Variants in STIM1 observed in about 807,000 individuals in gnomAD.
STIM1 encodes stromal interaction molecule 1.
A neutral mutation model predicts 74.7 loss-of-function variants in STIM1; 25 were observed. The observed-to-expected ratio is 0.33, with a 90% CI of 0.24 to 0.47. STIM1 has a LOEUF of 0.47. STIM1 is among the 20% of genes least tolerant of loss of function. STIM1 has a pLI of 1.00. For synonymous variants in STIM1, 328 were observed against 348.8 expected (o/e 0.94, Z 0.66); for missense variants, 728 against 920.8 (o/e 0.79, Z 2.71).
At position 4,023,899 on chromosome 11, in the gene STIM1, T is replaced by C. The variant is rs755362018; in HGVS notation, c.297T>C (p.His99=). 1 of 1,614,038 alleles carries C rather than the reference T, an allele frequency of 6.2e-7. No homozygotes were observed. The highest frequency in any genetic ancestry group is 8.5e-7 in the Non-Finnish European group (1 of 1,179,958). ...TCCTGAGGGAAGACCTCAATTACCA[T>C]GACCCAACAGTGAAACACAGCACCT... The part of the protein sequence containing the change: ...DEFLREDLNY[H]DPTVKHSTFH... Residue 99 remains histidine, a synonymous_variant, in exon 3 of 13, where the codon CAT becomes CAC. Transcript: ENST00000526596.
At chr11:4,059,436 A>C (rs1174736108) in intron 5 of STIM1, 40 bp downstream of exon 5, 9 of 1,576,832 alleles carry the variant, frequency 5.7e-6, no homozygotes, top group East Asian at 4.5e-5. Context: ...TGTGCCATGG[A>C]AACCAAAGCT....
chr11:4,046,677 T>G (rs938028154), intron 3 of STIM1, among the ~76,000 whole-genome samples: 2 of 151,860 alleles, frequency 1.3e-5, no homozygotes, highest in Non-Finnish European at 2.9e-5. Context: ...TGAGACAGGG[T>G]CTCGTTCTGC....
chr11:4,059,102 G>A (rs2094312084), intron 4 of STIM1, among the ~76,000 whole-genome samples, 179 bp from the exon 5 acceptor site: 1 of 152,138 alleles, frequency 6.6e-6, no homozygotes, highest in South Asian at 2.1e-4. Context: ...CTTGGTAAAT[G>A]TTATGTGTCT....
At chr11:3,971,640 A>G (rs548354644) in intron 2 of STIM1, among the ~76,000 whole-genome samples, 12 of 152,188 alleles carry the variant, frequency 7.9e-5, no homozygotes, top group Non-Finnish European at 1.6e-4. Flanking sequence ...TAAAGTACCC[A>G]CAGTTACTAC....
intron 2 of STIM1, among the ~76,000 whole-genome samples, chr11:4,003,250 C>A: frequency 6.7e-6 from 1 of 149,188 alleles, no homozygotes; most frequent in African/African-American, 2.5e-5. Flanking sequence ...AGGCCAGCAT[C>A]ATCCTGATAC....
chr11:3,916,030 C>T (rs1431333596), intron 1 of STIM1, among the ~76,000 whole-genome samples: 1 of 64 alleles, frequency 0.016, no homozygotes, highest in Non-Finnish European at 0.029. Context: ...TGCACTCCAG[C>T]CTGGGCCCAC....
chr11:4,017,476 A>T (rs2093909447), intron 2 of STIM1, among the ~76,000 whole-genome samples: 1 of 151,756 alleles, frequency 6.6e-6, no homozygotes, highest in African/African-American at 2.4e-5. Flanking sequence ...CTCTCCACTT[A>T]CCTCGGTGAT....
intron 2 of STIM1, among the ~76,000 whole-genome samples, chr11:4,020,763 A>ATT (rs201369502): frequency 1.4e-5 from 2 of 146,326 alleles, no homozygotes; most frequent in African/African-American, 5.0e-5. Context: ...CACCTGGCTA[A>ATT]TTTTTTTTTT....
At chr11:4,069,010 G>A (rs1298242023) in intron 5 of STIM1, among the ~76,000 whole-genome samples, 1 of 152,114 alleles carries the variant, frequency 6.6e-6, no homozygotes, top group Non-Finnish European at 1.5e-5. Context: ...ATTAGCCCTG[G>A]CATAACTCCC....
At chr11:3,948,568 A>G (rs2093107550) in intron 1 of STIM1, among the ~76,000 whole-genome samples, 2 of 152,198 alleles carry the variant, frequency 1.3e-5, no homozygotes, top group South Asian at 2.1e-4. Flanking sequence ...ACAATAACAA[A>G]TTATGATGAC....
chr11:3,969,192 A>G (rs970721189), intron 2 of STIM1, among the ~76,000 whole-genome samples: 7 of 152,214 alleles, frequency 4.6e-5, no homozygotes, highest in African/African-American at 7.2e-5. Flanking sequence ...TAGCATACAG[A>G]ACTCCACTGA....
intron 1 of STIM1, among the ~76,000 whole-genome samples, chr11:3,926,903 C>G (rs1287649288): frequency 6.6e-6 from 1 of 152,202 alleles, no homozygotes; most frequent in Non-Finnish European, 1.5e-5. Flanking sequence ...AGTATGGAGT[C>G]ATACAGTCTG....
rs1052891929 is a variant in STIM1, at chr11:3,974,131, G to A, written c.270+6449G>A. The A allele has an allele frequency of 1.2e-5, 8 of 650,862 alleles. No individual in the cohort carries two copies. The African/African-American group carries it at 1.3e-4, about 10-fold the overall frequency. The allele number at this position is 650,862 out of a possible 1,614,324, so 40.3% of individuals were successfully genotyped here. A position where few individuals can be genotyped will look rare whatever the true frequency, so the allele number is the denominator to read the frequency against. ...CCACAGTCTGTGAGTGCTCCCTGTTGCTCAGAATGGCTCATTGGACCCTCA... is the reference window on the plus strand; with the variant it reads ...CCACAGTCTGTGAGTGCTCCCTGTTACTCAGAATGGCTCATTGGACCCTCA... On this transcript the variant is annotated intron_variant, in intron 2 of 12. Coordinates refer to ENST00000526596, the MANE Select transcript of STIM1 (RefSeq NM_001382567.1).
chr11:3,864,503 CCTCT>C (rs1565094333), intron 1 of STIM1, among the ~76,000 whole-genome samples: 1 of 152,122 alleles, frequency 6.6e-6, no homozygotes, highest in Non-Finnish European at 1.5e-5. Context: ...GCCATATGGG[CCTCT>C]ACACTGGGCT....
At position 3,952,874 on chromosome 11, in the gene STIM1, A is replaced by T. The variant is rs142908872; in HGVS notation, c.140-14678A>T. Among the ~76,000 whole-genome samples the T allele has an allele frequency of 4.6e-5, 7 of 152,336 alleles. No individual in the cohort carries two copies. The East Asian group carries it at 1.3e-3, about 29-fold the overall frequency. On this transcript the variant is annotated intron_variant, in intron 1 of 12. Coordinates refer to ENST00000526596, the MANE Select transcript of STIM1 (RefSeq NM_001382567.1). ...CTGTCTACCAGGAGTCTGAAGCCCT[A>T]TGGGAAACCAAGGAGTGGGCAAAGG...
chr11:3,996,250 T>G (rs1396596369), intron 2 of STIM1, among the ~76,000 whole-genome samples: 1 of 152,084 alleles, frequency 6.6e-6, no homozygotes, highest in Non-Finnish European at 1.5e-5. Flanking sequence ...ACCACCACTT[T>G]AGGAGCTGAG....
rs1341632886 is a variant in STIM1, at chr11:4,092,870, A to C, written c.*1072A>C. 1.3e-5 allele frequency: 2 copies of C among 152,306 alleles called. No individual in the cohort carries two copies. The highest frequency in any genetic ancestry group is 2.4e-5 in the African/African-American group (1 of 41,474). The allele number at this position is 152,306 out of a possible 1,614,324, so 9.4% of individuals were successfully genotyped here. ...TGTAGCCTTGGCCAGAGGCTCAAAA[A>C]GGACACAACCAGTTTGGGGAAGGGG... is the stretch of plus-strand genomic sequence containing the variant. On this transcript the variant is annotated 3_prime_UTR_variant, in exon 13 of 13. Transcript: ENST00000526596.
chr11:3,997,421 T>G (rs1223846958), intron 2 of STIM1, among the ~76,000 whole-genome samples: 2 of 152,138 alleles, frequency 1.3e-5, no homozygotes, highest in Admixed American at 6.5e-5. Context: ...CTTGGGAGGC[T>G]GAGGTGGGAG....
intron 1 of STIM1, among the ~76,000 whole-genome samples, chr11:3,904,606 A>G (rs1008383980): frequency 3.3e-5 from 5 of 152,138 alleles, no homozygotes; most frequent in African/African-American, 1.2e-4. Context: ...TATAGATTAT[A>G]ACTAGAGGCA....
Sources: gnomAD v4.1 joint callset for allele counts (sites outside exome capture counted in the v4.1 genomes callset) on GRCh38, gnomAD v4.1.1 for gene constraint, MANE v1.5 for transcripts, NCBI Gene and HGNC (gene_info 2026-07-23, HGNC 2026-07-21) for gene names.